The following HIBADH variants were observed in gnomAD, a reference collection of about 807,000 sequenced individuals.
HIBADH encodes the protein 3-hydroxyisobutyrate dehydrogenase.
A neutral mutation model predicts 36.1 loss-of-function variants in HIBADH; 25 were observed. The ratio of observed to expected loss-of-function variants is 0.69; its 90% CI spans 0.50 to 0.97. The LOEUF is 0.97. Ranked by LOEUF, HIBADH falls within the 50% of genes least tolerant of loss-of-function variation. The probability of loss-of-function intolerance (pLI) is 0.00; values close to 1 mark genes in which losing one functional copy is unlikely to be tolerated. For synonymous variants in HIBADH, 160 were observed against 149.5 expected (o/e 1.07, Z -0.51); for missense variants, 421 against 418.0 (o/e 1.01, Z -0.06).
chr7:27,659,774 C>G (rs1188671770), intron 1 of HIBADH, among the ~76,000 whole-genome samples: 1 of 151,860 alleles, frequency 6.6e-6, no homozygotes, highest in African/African-American at 2.4e-5. Context: ...TAAGATGTGG[C>G]AGGCTGGGCA....
chr7:27,661,741 A>G (rs1786423707), intron 1 of HIBADH, among the ~76,000 whole-genome samples: 2 of 148,764 alleles, frequency 1.3e-5, no homozygotes, highest in Admixed American at 1.3e-4. Flanking sequence ...CATTGTTACA[A>G]CTCTCAAACT....
intron 4 of HIBADH, among the ~76,000 whole-genome samples, chr7:27,587,202 C>T (rs1348367800): frequency 6.6e-6 from 1 of 152,176 alleles, no homozygotes; most frequent in African/African-American, 2.4e-5. Context: ...TTGCTACCTC[C>T]TTGTATCATT....
intron 2 of HIBADH, among the ~76,000 whole-genome samples, chr7:27,635,450 A>G (rs1265514219): frequency 6.6e-6 from 1 of 152,200 alleles, no homozygotes; most frequent in East Asian, 1.9e-4. Context: ...TCAGCCAAGA[A>G]GTCATGGGTG....
intron 4 of HIBADH, among the ~76,000 whole-genome samples, chr7:27,555,827 C>T (rs1017474587): frequency 6.6e-6 from 1 of 152,098 alleles, no homozygotes; most frequent in South Asian, 2.1e-4. Context: ...AACAAATCCT[C>T]GTAAAAATCA....
At chr7:27,613,760 G>A (rs2128292355) in intron 4 of HIBADH, among the ~76,000 whole-genome samples, 1 of 151,330 alleles carries the variant, frequency 6.6e-6, no homozygotes, top group East Asian at 1.9e-4. Context: ...CCAGGTTCAA[G>A]TGAATCTTCC....
chr7:27,620,344 A>G (rs1785515372), intron 4 of HIBADH, among the ~76,000 whole-genome samples: 1 of 152,124 alleles, frequency 6.6e-6, no homozygotes, highest in Non-Finnish European at 1.5e-5. Flanking sequence ...ATAAAGTCTA[A>G]GCTAAACAGC....
chr7:27,656,272 T>C (rs1786302059), intron 1 of HIBADH, among the ~76,000 whole-genome samples: 1 of 152,194 alleles, frequency 6.6e-6, no homozygotes, highest in South Asian at 2.1e-4. Context: ...TATTAAATTC[T>C]GAACAACACA....
chr7:27,653,863 T>C (rs1786246400), intron 1 of HIBADH, among the ~76,000 whole-genome samples: 1 of 152,186 alleles, frequency 6.6e-6, no homozygotes, highest in African/African-American at 2.4e-5. Context: ...AATCACCAGA[T>C]GAGTATGAAG....
chr7:27,568,695 TC>T (rs1784583392), intron 4 of HIBADH, among the ~76,000 whole-genome samples: 2 of 152,154 alleles, frequency 1.3e-5, no homozygotes, highest in South Asian at 4.1e-4. Context: ...GGTCTCAAAC[TC>T]CTGACTTCAA....
rs113214104 is a variant in HIBADH, at chr7:27,625,807, A to C, written c.484+3564T>G. Among the ~76,000 whole-genome samples, 733 of 152,260 alleles carry C rather than the reference A, an allele frequency of 4.8e-3. 3 individuals are homozygous for C. Among genetic ancestry groups the C allele is most frequent in the Non-Finnish European group, 6.6e-3 (447 of 68,014 alleles). ...TAGCGTGATGTGGGCTCTGATAAAG[A>C]TGTACACTTTAAGGCCAGGCATGGT... On this transcript the variant is annotated intron_variant, in intron 4 of 7. Transcript: ENST00000265395.
intron 2 of HIBADH, among the ~76,000 whole-genome samples, chr7:27,644,898 C>T (rs1014865112): frequency 6.6e-6 from 1 of 152,142 alleles, no homozygotes. Context: ...TCTGGACTTT[C>T]AGGAAAAGTC....
chr7:27,571,361 T>A (rs1314441938), intron 4 of HIBADH, among the ~76,000 whole-genome samples: 1 of 152,136 alleles, frequency 6.6e-6, no homozygotes, highest in Non-Finnish European at 1.5e-5. Context: ...TAGCTGGGAT[T>A]ACAGGCATGT....
At chr7:27,571,195 G>C (rs1433677132) in intron 4 of HIBADH, among the ~76,000 whole-genome samples, 1 of 150,850 alleles carries the variant, frequency 6.6e-6, no homozygotes, top group Non-Finnish European at 1.5e-5. Context: ...ACATTTTCTG[G>C]ATCCTTATTC....
chr7:27,637,050 G>A (rs551341095), intron 2 of HIBADH, among the ~76,000 whole-genome samples: 1 of 152,072 alleles, frequency 6.6e-6, no homozygotes, highest in Non-Finnish European at 1.5e-5. Context: ...TGGTGTTTGG[G>A]GTATGTTGGA....
intron 4 of HIBADH, among the ~76,000 whole-genome samples, chr7:27,599,893 C>T (rs968853243): frequency 5.3e-5 from 8 of 150,012 alleles, no homozygotes; most frequent in South Asian, 2.1e-4. Context: ...ACAAAAAATT[C>T]AAAATTCAGA....
intron 4 of HIBADH, among the ~76,000 whole-genome samples, chr7:27,622,669 G>A (rs1014673642): frequency 2.6e-5 from 4 of 152,056 alleles, no homozygotes; most frequent in African/African-American, 9.7e-5. Context: ...TAAAAAGCAG[G>A]AAAACCTACA....
At chr7:27,633,882 A>T (rs1785791524) in intron 2 of HIBADH, among the ~76,000 whole-genome samples, 1 of 152,228 alleles carries the variant, frequency 6.6e-6, no homozygotes. Context: ...ACATGTAAGC[A>T]TCTTACAAAT....
chr7:27,662,615 G>T, intron 1 of HIBADH, 83 bp downstream of exon 1: 1 of 905,832 alleles, frequency 1.1e-6, no homozygotes, highest in Non-Finnish European at 1.5e-6. Flanking sequence ...AGGGCCTCCC[G>T]AGAAAAGACT....
At chr7:27,567,939 C>G (rs1411425285) in intron 4 of HIBADH, among the ~76,000 whole-genome samples, 1 of 152,134 alleles carries the variant, frequency 6.6e-6, no homozygotes, top group Non-Finnish European at 1.5e-5. Flanking sequence ...GGGGCTACAT[C>G]TAGATAAACC....
Sources: allele counts gnomAD v4.1 joint callset (sites outside exome capture counted in the v4.1 genomes callset), GRCh38; gene constraint gnomAD v4.1.1; transcripts MANE v1.5; gene names NCBI Gene and HGNC (gene_info 2026-07-23, HGNC 2026-07-21).